The following TMTC2 variants were observed in gnomAD, a reference collection of about 807,000 sequenced individuals.
TMTC2 encodes the protein protein O-mannosyl-transferase TMTC2.
A neutral mutation model predicts 82.4 loss-of-function variants in TMTC2; 43 were observed. The observed-to-expected ratio is 0.52, with a 90% CI of 0.41 to 0.67. The LOEUF is 0.67. Ranked by LOEUF, TMTC2 falls within the 30% of genes least tolerant of loss-of-function variation. The pLI, the probability that TMTC2 is intolerant of heterozygous loss-of-function variation, is 0.00. For missense variants in TMTC2, 919 were observed against 1,012.4 expected (o/e 0.91, Z 1.25); for synonymous variants, 408 against 381.9 (o/e 1.07, Z -0.80).
intron 1 of TMTC2, among the ~76,000 whole-genome samples, chr12:82,707,393 A>C (rs1436324995): frequency 6.6e-6 from 1 of 152,226 alleles, no homozygotes; most frequent in Non-Finnish European, 1.5e-5. Context: ...AGGAATTTTC[A>C]AGGACACACA....
intron 11 of TMTC2, among the ~76,000 whole-genome samples, chr12:83,088,554 C>T (rs11115574): frequency 0.043 from 6,497 of 152,166 alleles, 458 homozygotes; most frequent in African/African-American, 0.15. Flanking sequence ...TATTAATTGG[C>T]CTAATTTCAA....
At chr12:82,804,694 T>G (rs1879162695) in intron 1 of TMTC2, among the ~76,000 whole-genome samples, 1 of 152,088 alleles carries the variant, frequency 6.6e-6, no homozygotes, top group South Asian at 2.1e-4. Flanking sequence ...AGGAGTAACT[T>G]TTTCCGGTAT....
chr12:82,784,445 T>C (rs960739135), intron 1 of TMTC2, among the ~76,000 whole-genome samples: 1 of 152,130 alleles, frequency 6.6e-6, no homozygotes, highest in African/African-American at 2.4e-5. Context: ...AGGTCTCATG[T>C]AATTACTATG....
chr12:82,777,530 G>A (rs916256223), intron 1 of TMTC2, among the ~76,000 whole-genome samples: 1 of 152,016 alleles, frequency 6.6e-6, no homozygotes, highest in Non-Finnish European at 1.5e-5. Flanking sequence ...GATTCAAAAT[G>A]TTCCACTCTT....
chr12:83,024,505 A>G (rs1257203401), intron 8 of TMTC2, among the ~76,000 whole-genome samples: 1 of 152,202 alleles, frequency 6.6e-6, no homozygotes, highest in Admixed American at 6.5e-5. Flanking sequence ...GACACTCACT[A>G]TTGTAAGAAA....
intron 3 of TMTC2, among the ~76,000 whole-genome samples, chr12:82,917,526 A>G (rs963155818): frequency 6.6e-6 from 1 of 152,070 alleles, no homozygotes; most frequent in Non-Finnish European, 1.5e-5. Context: ...ATGTAAGCTC[A>G]TTTGTTATGA....
intron 3 of TMTC2, among the ~76,000 whole-genome samples, chr12:82,911,751 G>A (rs573323057): frequency 2.6e-5 from 4 of 152,008 alleles, no homozygotes; most frequent in Admixed American, 6.6e-5. Flanking sequence ...ACAGGTGTGC[G>A]CCTGTAATTA....
intron 2 of TMTC2, among the ~76,000 whole-genome samples, chr12:82,872,328 A>G (rs1249510102): frequency 6.6e-6 from 1 of 152,182 alleles, no homozygotes; most frequent in Non-Finnish European, 1.5e-5. Flanking sequence ...GGCTTTGTGC[A>G]TATACCCTGG....
chr12:82,965,300 G>T (rs893053644), intron 5 of TMTC2, among the ~76,000 whole-genome samples, 191 bp downstream of exon 5: 1 of 152,004 alleles, frequency 6.6e-6, no homozygotes, highest in Non-Finnish European at 1.5e-5. Context: ...AAAAAATTAT[G>T]ATAGCTATAA....
intron 11 of TMTC2, among the ~76,000 whole-genome samples, chr12:83,128,418 A>G (rs1270593658): frequency 6.6e-6 from 1 of 152,050 alleles, no homozygotes; most frequent in Non-Finnish European, 1.5e-5. Flanking sequence ...AAAAAAAAAA[A>G]GATTATTTGA....
intron 1 of TMTC2, among the ~76,000 whole-genome samples, chr12:82,771,206 CAAAA>C (rs56743424): frequency 2.3e-5 from 2 of 87,002 alleles, no homozygotes; most frequent in African/African-American, 3.7e-5. Flanking sequence ...GACTCTGTCT[CAAAA>C]AAAAAAAAAA....
intron 11 of TMTC2, among the ~76,000 whole-genome samples, chr12:83,107,269 T>C (rs1420089502): frequency 6.6e-6 from 1 of 152,256 alleles, no homozygotes. Context: ...GTCCATTTTC[T>C]GTTGTTATTA....
At chr12:82,894,965 A>AT (rs538079811) in intron 2 of TMTC2, among the ~76,000 whole-genome samples, 2,872 of 122,394 alleles carry the variant, frequency 0.023, 102 homozygotes, top group East Asian at 0.18. Flanking sequence ...ATGCCTGGCA[A>AT]TTTTTTTTTT....
At chr12:82,961,074 G>T (rs920288668) in intron 4 of TMTC2, among the ~76,000 whole-genome samples, 1 of 151,552 alleles carries the variant, frequency 6.6e-6, no homozygotes, top group Admixed American at 6.6e-5. Flanking sequence ...CCCAAGGTTC[G>T]TTATGTGCAA....
intron 10 of TMTC2, among the ~76,000 whole-genome samples, chr12:83,053,118 A>G (rs1044051591): frequency 1.3e-5 from 2 of 152,178 alleles, no homozygotes; most frequent in Non-Finnish European, 2.9e-5. Flanking sequence ...AGGAGTAAGA[A>G]AGGTTACTGG....
chr12:82,997,398 G>GTATATATATGTGTA (rs1879703260), intron 8 of TMTC2, among the ~76,000 whole-genome samples: 2 of 45,996 alleles, frequency 4.3e-5, no homozygotes, highest in African/African-American at 6.8e-5. Context: ...ATATATATGT[G>GTATATATATGTGTA]TATATATATA....
At chr12:82,816,478 A>G (rs913807997) in intron 1 of TMTC2, among the ~76,000 whole-genome samples, 1 of 152,018 alleles carries the variant, frequency 6.6e-6, no homozygotes, top group African/African-American at 2.4e-5. Context: ...CTCCAAAAAA[A>G]CTCAGGATTA....
At chr12:83,091,884 T>C (rs918051589) in intron 11 of TMTC2, among the ~76,000 whole-genome samples, 3 of 152,240 alleles carry the variant, frequency 2.0e-5, no homozygotes, top group Non-Finnish European at 4.4e-5. Flanking sequence ...ATTGAGATTG[T>C]GTTACAGCTA....
intron 1 of TMTC2, among the ~76,000 whole-genome samples, chr12:82,847,399 T>C (rs1870744127): frequency 6.6e-6 from 1 of 152,128 alleles, no homozygotes; most frequent in Non-Finnish European, 1.5e-5. Context: ...GTACCAATCA[T>C]CTCTAATTAG....
Sources: allele counts gnomAD v4.1 joint callset (sites outside exome capture counted in the v4.1 genomes callset), GRCh38; gene constraint gnomAD v4.1.1; transcripts MANE v1.5; gene names NCBI Gene and HGNC (gene_info 2026-07-23, HGNC 2026-07-21).